PTPRA: variants seen among roughly 807,000 people sequenced by gnomAD.
PTPRA encodes the protein receptor-type tyrosine-protein phosphatase alpha.
Under a neutral mutation model 104.8 loss-of-function variants are expected in PTPRA, and 25 were observed. The ratio of observed to expected loss-of-function variants is 0.24; its 90% CI spans 0.17 to 0.33. PTPRA has a LOEUF of 0.33. Among genes scored for constraint, PTPRA ranks in the 10% least tolerant of loss-of-function variants. The pLI, the probability that PTPRA is intolerant of heterozygous loss-of-function variation, is 1.00. For missense variants in PTPRA, 765 were observed against 1,015.3 expected (o/e 0.75, Z 3.35); for synonymous variants, 323 against 368.9 (o/e 0.88, Z 1.43).
At chr20:2,931,043 A>G (rs992874467) in intron 2 of PTPRA, among the ~76,000 whole-genome samples, 7 of 152,206 alleles carry the variant, frequency 4.6e-5, no homozygotes, top group African/African-American at 1.7e-4. Flanking sequence ...AAGTCAGTAG[A>G]CCAGAGTCTG....
intron 10 of PTPRA, among the ~76,000 whole-genome samples, chr20:3,005,544 G>A (rs552893982): frequency 1.3e-5 from 2 of 151,972 alleles, no homozygotes; most frequent in Non-Finnish European, 2.9e-5. Flanking sequence ...GGGCAAGACC[G>A]TGTCTCAAAA....
intron 2 of PTPRA, among the ~76,000 whole-genome samples, chr20:2,935,976 G>A (rs1317479068): frequency 6.6e-6 from 1 of 150,894 alleles, no homozygotes; most frequent in East Asian, 2.0e-4. Context: ...CCAAGATCTC[G>A]CCATTGCACT....
At chr20:2,985,144 G>T (rs534447777) in intron 6 of PTPRA, among the ~76,000 whole-genome samples, 1 of 152,322 alleles carries the variant, frequency 6.6e-6, no homozygotes, top group East Asian at 1.9e-4. Context: ...CTGCTAAAAG[G>T]TTGAATCAGA....
intron 1 of PTPRA, among the ~76,000 whole-genome samples, chr20:2,907,561 CT>C (rs2147170003): frequency 6.6e-6 from 1 of 152,236 alleles, no homozygotes; most frequent in African/African-American, 2.4e-5. Flanking sequence ...CCAACTAAGC[CT>C]TTTTCTGCTT....
At chr20:2,978,285 A>G (rs1289123302) in intron 6 of PTPRA, among the ~76,000 whole-genome samples, 2 of 152,218 alleles carry the variant, frequency 1.3e-5, no homozygotes, top group Non-Finnish European at 2.9e-5. Context: ...AATTTGGCTC[A>G]AAACAACGGT....
At position 3,028,185 on chromosome 20, in the gene PTPRA, G is replaced by GGA. The variant is rs1555813835; in HGVS notation, c.1920+345_1920+346insAG. Among the ~76,000 whole-genome samples, 219 of 151,548 alleles carry GGA rather than the reference G, an allele frequency of 1.4e-3. 1 individual carries two copies. The highest frequency in any genetic ancestry group is 5.0e-3 in the African/African-American group (209 of 41,466). ...TAGCCTTTGCACAGTGCCCCAGGCG[G>GGA]GGGGGGCACCCTCTCCTTCCCAGTG... is the stretch of plus-strand genomic sequence containing the variant. On this transcript the variant is annotated intron_variant, in intron 20 of 23. Coordinates refer to ENST00000399903, the MANE Select transcript of PTPRA (RefSeq NM_001385305.1).
chr20:2,928,414 G>A (rs1056656636), intron 2 of PTPRA, among the ~76,000 whole-genome samples: 12 of 152,116 alleles, frequency 7.9e-5, no homozygotes, highest in African/African-American at 2.7e-4. Context: ...AGCCTCTGGT[G>A]TCTGTTTTTA....
intron 6 of PTPRA, among the ~76,000 whole-genome samples, chr20:2,982,091 CT>C (rs11475103): frequency 0.075 from 10,181 of 136,460 alleles, 826 homozygotes; most frequent in African/African-American, 0.24. Context: ...TCTTCTTCTT[CT>C]TTTTTTTTTT....
At chr20:2,971,550 A>G (rs1600193035) in intron 5 of PTPRA, among the ~76,000 whole-genome samples, 1 of 152,340 alleles carries the variant, frequency 6.6e-6, no homozygotes, top group Non-Finnish European at 1.5e-5. Context: ...TCTTCTGTTT[A>G]ATCGCATTGA....
chr20:3,022,558 G>A lies in PTPRA; in HGVS notation c.1329-131G>A, dbSNP rs765623210. On this transcript the variant is annotated intron_variant, in intron 15 of 23. Transcript: ENST00000399903. The surrounding 1 kb of genome is among the most constrained non-coding windows in gnomAD (Gnocchi z 4.6). ...TACTGGAGTTGTTGGCTCCTGGAGAGCCCCAGCTCTACCCCATTCAGAATT... is the reference window on the plus strand; with the variant it reads ...TACTGGAGTTGTTGGCTCCTGGAGAACCCCAGCTCTACCCCATTCAGAATT... The A allele has an allele frequency of 3.1e-6, 4 of 1,308,398 alleles. No individual in the cohort carries two copies. The South Asian group carries it at 4.4e-5, about 14-fold the overall frequency. The allele number at this position is 1,308,398 out of a possible 1,614,324, so 81.0% of individuals were successfully genotyped here. A position where few individuals can be genotyped will look rare whatever the true frequency, so the allele number is the denominator to read the frequency against.
chr20:2,922,035 C>A (rs2060117382), intron 1 of PTPRA, among the ~76,000 whole-genome samples: 1 of 152,186 alleles, frequency 6.6e-6, no homozygotes, highest in African/African-American at 2.4e-5. Flanking sequence ...AGTAGCCCAG[C>A]CTCCCTGCTA....
chr20:2,963,469 C>T (rs1219719172), intron 3 of PTPRA, among the ~76,000 whole-genome samples: 1 of 151,950 alleles, frequency 6.6e-6, no homozygotes, highest in African/African-American at 2.4e-5. Context: ...TGGCACATGC[C>T]TCTAATCTCA....
At chr20:3,034,626 C>T (rs1276493935) in intron 20 of PTPRA, among the ~76,000 whole-genome samples, 1 of 151,524 alleles carries the variant, frequency 6.6e-6, no homozygotes, top group African/African-American at 2.4e-5. Flanking sequence ...CCCAGGGCTT[C>T]TAGAGAACAT....
rs371024287 is a variant in PTPRA, at chr20:3,012,160, G to T, written c.907-3689G>T. 8.5e-5 allele frequency among the ~76,000 whole-genome samples: 13 copies of T among 152,308 alleles called. No homozygotes were observed. The South Asian group carries it at 1.2e-3, about 15-fold the overall frequency. ...CTGCCAGTTTTCAGTACAGCTGAGC[G>T]GTTTTGATGAATTTATCTAGGCCGT... On this transcript the variant is annotated intron_variant, in intron 11 of 23. Transcript: ENST00000399903.
chr20:2,909,592 A>T (rs1321996644), intron 1 of PTPRA, among the ~76,000 whole-genome samples: 1 of 151,576 alleles, frequency 6.6e-6, no homozygotes, highest in Non-Finnish European at 1.5e-5. Context: ...AAAAAAACCA[A>T]AACAAAACAA....
intron 2 of PTPRA, among the ~76,000 whole-genome samples, chr20:2,934,821 G>A (rs1170219715): frequency 2.0e-5 from 3 of 151,688 alleles, no homozygotes; most frequent in Non-Finnish European, 4.4e-5. Context: ...ACAGGCATAC[G>A]CCACCACACC....
intron 1 of PTPRA, among the ~76,000 whole-genome samples, chr20:2,887,285 C>T (rs1463136357): frequency 1.3e-5 from 2 of 151,932 alleles, no homozygotes; most frequent in Admixed American, 1.3e-4. Flanking sequence ...GTATTAGTAC[C>T]TGTGTTCTGT....
At chr20:2,970,029 C>A (rs1430925265) in intron 5 of PTPRA, among the ~76,000 whole-genome samples, 7 of 151,558 alleles carry the variant, frequency 4.6e-5, no homozygotes, top group Admixed American at 4.6e-4. Flanking sequence ...TTCATTTTTT[C>A]CATTTATAAT....
chr20:2,864,633 A>G, the PTPRA span: 2 of 1,614,038 alleles, frequency 1.2e-6, no homozygotes, highest in Admixed American at 3.3e-5. The surrounding 1 kb of genome is among the most constrained non-coding windows in gnomAD (Gnocchi z 5.2). Context: ...TCCACATCCG[A>G]GCCAGCTATG....
Sources: gnomAD v4.1 joint callset for allele counts (sites outside exome capture counted in the v4.1 genomes callset) on GRCh38, gnomAD v4.1.1 for gene constraint, Gnocchi (gnomAD v3.1) non-coding constraint, MANE v1.5 for transcripts, NCBI Gene and HGNC (gene_info 2026-07-23, HGNC 2026-07-21) for gene names.